The following NPAT variants were observed in gnomAD, a reference collection of about 807,000 sequenced individuals.
NPAT encodes the protein protein NPAT.
A neutral mutation model predicts 130.7 loss-of-function variants in NPAT; 52 were observed. The observed-to-expected ratio is 0.40, with a 90% CI of 0.32 to 0.50. NPAT has a LOEUF of 0.50. Among genes scored for constraint, NPAT ranks in the 20% least tolerant of loss-of-function variants. The pLI, the probability that NPAT is intolerant of heterozygous loss-of-function variation, is 0.68. For synonymous variants in NPAT, 580 were observed against 584.8 expected, an observed-to-expected ratio of 0.99 and a Z score of 0.12; for missense variants, 1,687 against 1,662.6, an observed-to-expected ratio of 1.01 and a Z score of -0.26.
At chr11:108,206,193 C>T (rs1392361052) in intron 1 of NPAT, among the ~76,000 whole-genome samples, 1 of 152,224 alleles carries the variant, frequency 6.6e-6, no homozygotes, top group Non-Finnish European at 1.5e-5. Flanking sequence ...ACCTTAAAAA[C>T]ATGATCCAAC....
chr11:108,161,107 T>C lies in NPAT; in HGVS notation c.3979A>G (p.Ser1327Gly). The C allele has an allele frequency of 6.2e-7, 1 of 1,614,226 alleles. No homozygotes were observed. The highest frequency in any genetic ancestry group is 1.1e-5 in the South Asian group (1 of 91,088). The change falls in exon 17 of 18, where the codon AGT (serine) becomes GGT (glycine). Residue 1327 changes from serine to glycine, a missense_variant. Around this residue, in one of 3 missense-constraint regions of NPAT, gnomAD observed 1,379 missense variants for 1,346.6 expected, o/e 1.02. Coordinates refer to ENST00000278612, the MANE Select transcript of NPAT (RefSeq NM_002519.3). ...SPASETGSEN[S>G]VNMAAHTLMI... Reference sequence around the variant, plus strand: ...AATGTGTGGGCAGCCATATTTACACTGTTTTCACTTCCTGTTTCACTGGCA... The same window carrying C: ...AATGTGTGGGCAGCCATATTTACACCGTTTTCACTTCCTGTTTCACTGGCA...
intron 4 of NPAT, among the ~76,000 whole-genome samples, chr11:108,191,659 T>C (rs188189557): frequency 3.5e-4 from 54 of 152,342 alleles, no homozygotes; most frequent in Admixed American, 2.1e-3. Context: ...ACAAATTCTA[T>C]AGTCAAATAT....
chr11:108,213,389 T>C lies in NPAT; in HGVS notation c.37+9111A>G, dbSNP rs926039283. 3.3e-5 allele frequency among the ~76,000 whole-genome samples: 5 copies of C among 152,112 alleles called. No homozygotes were observed. In the East Asian group the frequency reaches 9.6e-4, roughly 29 times the overall value. On this transcript the variant is annotated intron_variant, in intron 1 of 17. Transcript: ENST00000278612. ...TAAATCTCAATGAACTACCAAAAATTAAGAATGCAATGCTAGTTACAATAG... is the reference window on the plus strand; with the variant it reads ...TAAATCTCAATGAACTACCAAAAATCAAGAATGCAATGCTAGTTACAATAG...
At chr11:108,177,673 T>G (rs2078021956) in intron 10 of NPAT, among the ~76,000 whole-genome samples, 2 of 152,052 alleles carry the variant, frequency 1.3e-5, no homozygotes, top group African/African-American at 4.8e-5. Flanking sequence ...TGATATAAAA[T>G]GAATATACGT....
intron 3 of NPAT, 81 bp from the exon 4 acceptor site, chr11:108,192,271 A>G: frequency 1.1e-6 from 1 of 888,688 alleles, no homozygotes; most frequent in African/African-American, 1.6e-5. Flanking sequence ...CACACAAAAA[A>G]CCTTGTCTCT....
At chr11:108,188,039 A>C in intron 7 of NPAT, 59 bp downstream of exon 7, 1 of 1,088,130 alleles carries the variant, frequency 9.2e-7, no homozygotes, top group Non-Finnish European at 1.4e-6. Context: ...TCCTGATGTA[A>C]TTCTTTTTTT....
At chr11:108,222,020 C>A (rs547893742) in intron 1 of NPAT, among the ~76,000 whole-genome samples, 1 of 152,268 alleles carries the variant, frequency 6.6e-6, no homozygotes, top group Admixed American at 6.5e-5. Context: ...CACCCCTACT[C>A]CCAAATTCGT....
chr11:108,162,084 TCAAA>T (rs750815627), intron 16 of NPAT, 32 bp downstream of exon 16: 28 of 1,612,354 alleles, frequency 1.7e-5, no homozygotes, highest in Non-Finnish European at 2.3e-5. Context: ...ATCTGAGCAT[TCAAA>T]CAATCTATGA....
At chr11:108,192,400 A>G (rs2078178639) in intron 3 of NPAT, among the ~76,000 whole-genome samples, 1 of 152,246 alleles carries the variant, frequency 6.6e-6, no homozygotes, top group Non-Finnish European at 1.5e-5. Flanking sequence ...CAATATGAGT[A>G]GAAATGGACA....
At chr11:108,215,919 C>G (rs967686341) in intron 1 of NPAT, among the ~76,000 whole-genome samples, 1 of 152,206 alleles carries the variant, frequency 6.6e-6, no homozygotes, top group Non-Finnish European at 1.5e-5. Context: ...GAACATCAAA[C>G]CACAGATGTG....
intron 1 of NPAT, among the ~76,000 whole-genome samples, chr11:108,218,949 G>A (rs944894945): frequency 6.6e-6 from 1 of 152,148 alleles, no homozygotes. Context: ...CCATACTTTT[G>A]CAAATGTTTT....
Position 108,222,550 on chromosome 11 carries a change from G to A in NPAT, c.-14C>T. On this transcript the variant is annotated 5_prime_UTR_variant, in exon 1 of 18. Coordinates refer to ENST00000278612, the MANE Select transcript of NPAT (RefSeq NM_002519.3). ...GGGTAACAACATGATCAAAACCACA[G>A]CAGGAACCACAATAAGGAACAAGAC... is the stretch of plus-strand genomic sequence containing the variant. The A allele has an allele frequency of 6.2e-7, 1 of 1,613,788 alleles. No homozygotes were observed. Among genetic ancestry groups the A allele is most frequent in the Non-Finnish European group, 8.5e-7 (1 of 1,179,848 alleles).
chr11:108,169,631 T>C, intron 15 of NPAT, 113 bp downstream of exon 15: 1 of 792,746 alleles, frequency 1.3e-6, no homozygotes, highest in Non-Finnish European at 2.2e-6. Flanking sequence ...AAATGTAGGG[T>C]GATCACTTGT....
intron 2 of NPAT, among the ~76,000 whole-genome samples, chr11:108,195,925 C>A (rs2078215109): frequency 6.6e-6 from 1 of 152,128 alleles, no homozygotes. Flanking sequence ...TTGGGTCTGG[C>A]CCAGCCTATT....
chr11:108,196,737 G>T (rs1475633286), intron 2 of NPAT, among the ~76,000 whole-genome samples: 2 of 152,122 alleles, frequency 1.3e-5, no homozygotes, highest in Non-Finnish European at 2.9e-5. Context: ...GAATATAATG[G>T]ATTTGTGTAT....
At chr11:108,163,602 G>A (rs2077873805) in intron 15 of NPAT, among the ~76,000 whole-genome samples, 1 of 152,148 alleles carries the variant, frequency 6.6e-6, no homozygotes, top group Non-Finnish European at 1.5e-5. Flanking sequence ...CATTAACCAA[G>A]GGGAAAAACA....
chr11:108,197,432 A>C lies in NPAT; in HGVS notation c.38-12T>G. The C allele has an allele frequency of 6.6e-7, 1 of 1,519,422 alleles. No homozygotes were observed. Among genetic ancestry groups the C allele is most frequent in the Non-Finnish European group, 9.1e-7 (1 of 1,093,988 alleles). 94.1% of individuals were successfully genotyped at this position (1,519,422 alleles called of 1,614,324 possible). On this transcript the variant is annotated splice_polypyrimidine_tract_variant and intron_variant, in intron 1 of 17. Coordinates refer to ENST00000278612, the MANE Select transcript of NPAT (RefSeq NM_002519.3). ...TTGCTGTAAGTAACCTAAATAAAAA[A>C]TAAAAGTTTAGGTACTTATACTAAA...
rs764618634 is a variant in NPAT at position 108,186,505 on chromosome 11, G to T, written c.703C>A (p.Pro235Thr). 1.7e-5 allele frequency: 27 copies of T among 1,613,900 alleles called. No homozygotes were observed. Among genetic ancestry groups the T allele is most frequent in the Non-Finnish European group, 2.3e-5 (27 of 1,179,972 alleles). The change falls in exon 8 of 18, where the codon CCA becomes ACA. Residue 235 changes from proline to threonine, a missense_variant. By Grantham distance (38) the Pro-to-Thr change is conservative. This residue lies in a region of NPAT where 307 missense variants were observed against 298.9 expected (regional missense o/e 1.03). Coordinates refer to ENST00000278612, the MANE Select transcript of NPAT (RefSeq NM_002519.3). ...ACTTTTTCTACTGCAAAAGCGTTTGGATCTTGGAAATTCCGTATTGTTGAA... is the reference window on the plus strand; with the variant it reads ...ACTTTTTCTACTGCAAAAGCGTTTGTATCTTGGAAATTCCGTATTGTTGAA... Reference protein sequence around the residue: ...PHSTIRNFQDPNAFAVEKQMV... With the variant: ...PHSTIRNFQDTNAFAVEKQMV...
At chr11:108,185,615 A>G in intron 8 of NPAT, 121 bp from the exon 9 acceptor site, 1 of 718,782 alleles carries the variant, frequency 1.4e-6, no homozygotes, top group Non-Finnish European at 2.4e-6. Flanking sequence ...ATGGAAACTC[A>G]GAAGTTGTGA....
Sources: allele counts gnomAD v4.1 joint callset (sites outside exome capture counted in the v4.1 genomes callset), GRCh38; gene constraint gnomAD v4.1.1; regional missense constraint gnomAD v4.1.1; transcripts MANE v1.5; gene names NCBI Gene and HGNC (gene_info 2026-07-23, HGNC 2026-07-21).